MAN1A2: variants seen among roughly 807,000 people sequenced by gnomAD.
MAN1A2 encodes the protein mannosyl-oligosaccharide 1,2-alpha-mannosidase IB.
A neutral mutation model predicts 75.7 loss-of-function variants in MAN1A2; 26 were observed. The ratio of observed to expected loss-of-function variants is 0.34; its 90% CI spans 0.25 to 0.48. The LOEUF is 0.48. Ranked by LOEUF, MAN1A2 falls within the 20% of genes least tolerant of loss-of-function variation. The pLI, the probability that MAN1A2 is intolerant of heterozygous loss-of-function variation, is 0.99. For missense variants in MAN1A2, 562 were observed against 775.5 expected (o/e 0.72, Z 3.27); for synonymous variants, 247 against 264.6 (o/e 0.93, Z 0.65).
chr1:117,411,544 A>C (rs1330625197), intron 3 of MAN1A2, among the ~76,000 whole-genome samples: 1 of 151,862 alleles, frequency 6.6e-6, no homozygotes, highest in Non-Finnish European at 1.5e-5. Context: ...AAAAAGCATT[A>C]AGTATAAAAT....
chr1:117,438,594 G>T (rs1204203630), intron 5 of MAN1A2, among the ~76,000 whole-genome samples: 2 of 152,132 alleles, frequency 1.3e-5, no homozygotes. Flanking sequence ...TTTCAGTACT[G>T]CAGGTTTCGT....
At chr1:117,472,389 A>T (rs1650188865) in intron 8 of MAN1A2, among the ~76,000 whole-genome samples, 4 of 152,026 alleles carry the variant, frequency 2.6e-5, no homozygotes, top group African/African-American at 9.7e-5. Flanking sequence ...TATTATAGGA[A>T]TATATTTTCT....
chr1:117,438,053 A>G (rs1648902006), intron 5 of MAN1A2, among the ~76,000 whole-genome samples: 1 of 152,236 alleles, frequency 6.6e-6, no homozygotes, highest in Non-Finnish European at 1.5e-5. Context: ...AATAAGATAG[A>G]TATGTGAGAG....
At chr1:117,456,827 T>C (rs969814931) in intron 6 of MAN1A2, among the ~76,000 whole-genome samples, 2 of 152,062 alleles carry the variant, frequency 1.3e-5, no homozygotes, top group African/African-American at 4.8e-5. Flanking sequence ...TACAGAATCA[T>C]AGGGCTTCTC....
At chr1:117,435,086 A>C (rs567628019) in intron 5 of MAN1A2, among the ~76,000 whole-genome samples, 1 of 152,082 alleles carries the variant, frequency 6.6e-6, no homozygotes, top group Admixed American at 6.6e-5. Flanking sequence ...AGGTATTTTG[A>C]GTTTGAGGAT....
chr1:117,505,401 CT>C (rs1287725057), intron 12 of MAN1A2, among the ~76,000 whole-genome samples: 1 of 151,262 alleles, frequency 6.6e-6, no homozygotes, highest in Non-Finnish European at 1.5e-5. Context: ...AATCTTGGTA[CT>C]TTTCCTTGCC....
chr1:117,392,243 TTGCTA>T (rs1653744934), intron 1 of MAN1A2, among the ~76,000 whole-genome samples: 1 of 152,100 alleles, frequency 6.6e-6, no homozygotes, highest in Non-Finnish European at 1.5e-5. Context: ...TCTAGCTTCC[TTGCTA>T]TAGTATATTG....
chr1:117,485,520 C>T (rs890294701), intron 8 of MAN1A2, among the ~76,000 whole-genome samples: 2 of 151,838 alleles, frequency 1.3e-5, no homozygotes, highest in South Asian at 2.1e-4. Context: ...CTGGGAATGG[C>T]TACAGAGGGA....
intron 12 of MAN1A2, among the ~76,000 whole-genome samples, chr1:117,518,166 C>T (rs958540130): frequency 6.6e-6 from 1 of 151,804 alleles, no homozygotes; most frequent in Admixed American, 6.6e-5. Flanking sequence ...CGTCTGATTA[C>T]CCAGTGAAAA....
chr1:117,383,942 C>T (rs954568814), intron 1 of MAN1A2, among the ~76,000 whole-genome samples: 18 of 152,134 alleles, frequency 1.2e-4, no homozygotes, highest in Non-Finnish European at 2.4e-4. Context: ...CTCTTTTAAT[C>T]TTATTTATTT....
intron 8 of MAN1A2, among the ~76,000 whole-genome samples, chr1:117,473,433 A>C (rs570523075): frequency 6.6e-6 from 1 of 152,108 alleles, no homozygotes; most frequent in South Asian, 2.1e-4. Context: ...GTCTATTCCT[A>C]ATACAGGAGC....
chr1:117,403,993 T>C (rs1423654817), intron 2 of MAN1A2, among the ~76,000 whole-genome samples: 1 of 152,198 alleles, frequency 6.6e-6, no homozygotes, highest in Admixed American at 6.5e-5. Context: ...TGTTGAATTT[T>C]GTCAGATGCA....
At chr1:117,394,086 C>CTTT (rs200109590) in intron 1 of MAN1A2, among the ~76,000 whole-genome samples, 1 of 143,420 alleles carries the variant, frequency 7.0e-6, no homozygotes, top group Middle Eastern at 3.6e-3. Flanking sequence ...AGTGGGTTTC[C>CTTT]TTTTTTTTTT....
chr1:117,425,207 G>C (rs1320022041), intron 5 of MAN1A2, among the ~76,000 whole-genome samples: 2 of 151,934 alleles, frequency 1.3e-5, no homozygotes, highest in African/African-American at 2.4e-5. Flanking sequence ...TCTATAAAAA[G>C]ATGCAAAGTT....
At chr1:117,371,357 T>C (rs1652961376) in intron 1 of MAN1A2, among the ~76,000 whole-genome samples, 1 of 152,110 alleles carries the variant, frequency 6.6e-6, no homozygotes, top group Non-Finnish European at 1.5e-5. Context: ...TAGGGAGAGA[T>C]GATGGGCATT....
At position 117,526,522 on chromosome 1, in the gene MAN1A2, G is replaced by T. The variant is rs1019110128; in HGVS notation, c.*3565G>T. On this transcript the variant is annotated 3_prime_UTR_variant, in exon 13 of 13. Transcript: ENST00000356554. ...AATACTTGATTTCTGATGCAACTTT[G>T]ACTAAAATATTTACTTTAGAAATAA... 1.3e-5 allele frequency: 2 copies of T among 151,526 alleles called. No homozygotes were observed. Among genetic ancestry groups the T allele is most frequent in the Non-Finnish European group, 3.0e-5 (2 of 67,726 alleles). 9.4% of individuals were successfully genotyped at this position (151,526 alleles called of 1,614,324 possible).
chr1:117,405,815 T>C (rs1462030137), intron 3 of MAN1A2, among the ~76,000 whole-genome samples, 170 bp downstream of exon 3: 1 of 152,144 alleles, frequency 6.6e-6, no homozygotes, highest in Non-Finnish European at 1.5e-5. Context: ...TCCAGTTGCT[T>C]TGGAGTACAC....
At position 117,381,119 on chromosome 1, in the gene MAN1A2, T is replaced by C. The variant is rs960001467; in HGVS notation, c.302+12634T>C. ...AGGTATTTTGCTCTTTTGTATGGTA[T>C]CGCAAATGCAATTGTTCTCTTAATT... On this transcript the variant is annotated intron_variant, in intron 1 of 12. Transcript: ENST00000356554. Among the ~76,000 whole-genome samples the C allele has an allele frequency of 7.9e-5, 12 of 152,288 alleles. 1 individual carries two copies. Among genetic ancestry groups the C allele is most frequent in the Middle Eastern group, 3.4e-3 (1 of 294 alleles).
intron 12 of MAN1A2, among the ~76,000 whole-genome samples, chr1:117,511,569 A>G (rs977055279): frequency 1.3e-5 from 2 of 151,890 alleles, no homozygotes; most frequent in Admixed American, 1.3e-4. Flanking sequence ...TCTCCCCAGC[A>G]CCTAGCACAT....
Sources: gnomAD v4.1 joint callset for allele counts (sites outside exome capture counted in the v4.1 genomes callset) on GRCh38, gnomAD v4.1.1 for gene constraint, MANE v1.5 for transcripts, NCBI Gene and HGNC (gene_info 2026-07-23, HGNC 2026-07-21) for gene names.